Variants in DIAPH3 observed in about 807,000 individuals in gnomAD.
DIAPH3 encodes the protein protein diaphanous homolog 3.
DIAPH3 carries 117 observed loss-of-function variants against 144.3 expected under a neutral mutation model. The observed-to-expected ratio is 0.81, with a 90% CI of 0.70 to 0.95. The LOEUF is 0.95. Among genes scored for constraint, DIAPH3 ranks in the 40% least tolerant of loss-of-function variants. The pLI is 0.00. For synonymous variants in DIAPH3, 519 were observed against 488.9 expected (o/e 1.06, Z -0.81); for missense variants, 1,421 against 1,412.7 (o/e 1.01, Z -0.09).
chr13:60,084,943 C>A (rs2137837697), intron 4 of DIAPH3, among the ~76,000 whole-genome samples: 1 of 152,016 alleles, frequency 6.6e-6, no homozygotes, highest in East Asian at 1.9e-4. Context: ...GATTGATTAG[C>A]CTATTAAGGA....
At chr13:59,918,441 G>A (rs1042929642) in intron 18 of DIAPH3, among the ~76,000 whole-genome samples, 10 of 152,096 alleles carry the variant, frequency 6.6e-5, no homozygotes, top group Non-Finnish European at 1.0e-4. Context: ...TATCACTGAC[G>A]GATGACTGCA....
At chr13:59,989,303 A>T (rs1266199622) in intron 12 of DIAPH3, among the ~76,000 whole-genome samples, 1 of 151,886 alleles carries the variant, frequency 6.6e-6, no homozygotes, top group Non-Finnish European at 1.5e-5. Context: ...AAATAAATGC[A>T]TGACAAAAAT....
At chr13:59,935,911 T>C (rs1460330925) in intron 17 of DIAPH3, among the ~76,000 whole-genome samples, 1 of 152,178 alleles carries the variant, frequency 6.6e-6, no homozygotes, top group Non-Finnish European at 1.5e-5. Context: ...TAAAATTTTG[T>C]GAAACAGATT....
chr13:59,814,980 T>A (rs2040691547), intron 24 of DIAPH3, among the ~76,000 whole-genome samples: 1 of 152,272 alleles, frequency 6.6e-6, no homozygotes, highest in Admixed American at 6.5e-5. Flanking sequence ...ATATAATGTC[T>A]TCTGGTTTCA....
chr13:59,903,129 G>A (rs73196159), intron 20 of DIAPH3, among the ~76,000 whole-genome samples: 7 of 152,212 alleles, frequency 4.6e-5, no homozygotes, highest in African/African-American at 1.4e-4. Flanking sequence ...AACAGAAAAG[G>A]AAGTAGTAAT....
chr13:60,122,208 A>T (rs1040287798), intron 2 of DIAPH3, among the ~76,000 whole-genome samples: 1 of 152,170 alleles, frequency 6.6e-6, no homozygotes, highest in Non-Finnish European at 1.5e-5. Context: ...AGAGATAATG[A>T]ACAACCTAGA....
intron 5 of DIAPH3, among the ~76,000 whole-genome samples, chr13:60,018,763 A>C (rs2053821602): frequency 1.3e-5 from 2 of 152,170 alleles, no homozygotes; most frequent in Non-Finnish European, 2.9e-5. Flanking sequence ...TCTGAAAACC[A>C]GATTATACAT....
intron 17 of DIAPH3, among the ~76,000 whole-genome samples, chr13:59,931,204 A>AATGAAG: frequency 6.6e-6 from 1 of 152,150 alleles, no homozygotes; most frequent in Non-Finnish European, 1.5e-5. Flanking sequence ...AATCTAGTCG[A>AATGAAG]TTCTAACTCC....
intron 25 of DIAPH3, among the ~76,000 whole-genome samples, chr13:59,782,918 G>A (rs111640741): frequency 7.9e-5 from 12 of 152,184 alleles, no homozygotes; most frequent in African/African-American, 2.7e-4. Flanking sequence ...TGAGTAGGAA[G>A]AGATAACAGG....
rs953490159 is a variant in DIAPH3, at chr13:60,163,839, G to A, written c.-73C>T. 3.3e-6 allele frequency: 5 copies of A among 1,521,270 alleles called. No homozygotes were observed. The highest frequency in any genetic ancestry group is 2.0e-5 in the Admixed American group (1 of 50,440). The allele number at this position is 1,521,270 out of a possible 1,614,324, so 94.2% of individuals were successfully genotyped here. Reference sequence around the variant, plus strand: ...GCCGCAAGCTGGAAGCTGAGGGATCGACAACAGGTTTTACTCCCGGGGTCC... The same window carrying A: ...GCCGCAAGCTGGAAGCTGAGGGATCAACAACAGGTTTTACTCCCGGGGTCC... On this transcript the variant is annotated 5_prime_UTR_variant, in exon 1 of 28. Coordinates refer to ENST00000400324, the MANE Select transcript of DIAPH3 (RefSeq NM_001042517.2).
intron 17 of DIAPH3, among the ~76,000 whole-genome samples, chr13:59,948,168 T>A (rs1484443401): frequency 5.3e-5 from 8 of 152,178 alleles, no homozygotes; most frequent in Admixed American, 5.2e-4. Flanking sequence ...GAGACAGGAT[T>A]CCAACCAGGT....
intron 5 of DIAPH3, among the ~76,000 whole-genome samples, chr13:60,025,535 G>A (rs1175724529): frequency 6.6e-6 from 1 of 151,378 alleles, no homozygotes; most frequent in Non-Finnish European, 1.5e-5. Context: ...AGTGACAGTG[G>A]TAAGAGGAGA....
rs1445354718 is a variant in DIAPH3, at chr13:59,798,980, C to T, written c.3163+11808G>A. ...CAGAAGCACCACAAGAAGCTGAGTG[C>T]TGTGGTTGAAGCACAGTAATTTCCT... On this transcript the variant is annotated intron_variant, in intron 25 of 27. Transcript: ENST00000400324. Among the ~76,000 whole-genome samples the T allele has an allele frequency of 2.0e-5, 3 of 152,108 alleles. No individual in the cohort carries two copies. The East Asian group carries it at 5.8e-4, about 30-fold the overall frequency.
intron 24 of DIAPH3, among the ~76,000 whole-genome samples, chr13:59,826,476 G>GATGT (rs1332367077): frequency 4.6e-5 from 7 of 150,884 alleles, no homozygotes; most frequent in Non-Finnish European, 8.8e-5. Context: ...GCTTACAAGG[G>GATGT]ATGTGAAGGA....
In DIAPH3 at chr13:60,089,375, C is replaced by A. The variant is rs143821665; in HGVS notation, c.495+4253G>T. On this transcript the variant is annotated intron_variant, in intron 4 of 27. Transcript: ENST00000400324. The stretch of plus-strand genomic sequence containing the variant: ...AAGGGAAGATAAGATTAAAAATAAT[C>A]AAACCCTAATAAAGAATGAGAACTA... Among the ~76,000 whole-genome samples, 304 of 152,232 alleles carry A rather than the reference C, an allele frequency of 2.0e-3. 1 individual carries two copies. The highest frequency in any genetic ancestry group is 6.5e-3 in the Admixed American group (99 of 15,292).
At chr13:60,018,509 T>C (rs1461033651) in intron 5 of DIAPH3, among the ~76,000 whole-genome samples, 2 of 152,184 alleles carry the variant, frequency 1.3e-5, no homozygotes, top group Non-Finnish European at 1.5e-5. Context: ...GACTCATAGA[T>C]GGTCTAAAGT....
chr13:60,136,056 T>G (rs1020575038), intron 1 of DIAPH3, among the ~76,000 whole-genome samples: 1 of 152,050 alleles, frequency 6.6e-6, no homozygotes, highest in African/African-American at 2.4e-5. Flanking sequence ...AAATAGGGAC[T>G]ATCCATGAAG....
intron 7 of DIAPH3, 105 bp downstream of exon 7, chr13:60,015,808 T>C (rs558754175): frequency 8.3e-6 from 8 of 965,056 alleles, no homozygotes; most frequent in Admixed American, 2.0e-5. Context: ...TTTTCCATCA[T>C]GTACTAAAAA....
intron 4 of DIAPH3, among the ~76,000 whole-genome samples, chr13:60,078,234 A>G (rs2057439628): frequency 6.6e-6 from 1 of 152,080 alleles, no homozygotes. Flanking sequence ...ATTATATCTC[A>G]CTCAGTGCCC....
Sources: allele counts gnomAD v4.1 joint callset (sites outside exome capture counted in the v4.1 genomes callset), GRCh38; gene constraint gnomAD v4.1.1; transcripts MANE v1.5; gene names NCBI Gene and HGNC (gene_info 2026-07-23, HGNC 2026-07-21).